The following RSPH10B variants were observed in gnomAD, a reference collection of about 807,000 sequenced individuals.
RSPH10B encodes the protein radial spoke head 10 homolog B, also known as radial spoke head 10 homolog B (Chlamydomonas).
In RSPH10B, 7 loss-of-function variants were observed where a neutral mutation model predicts 52.5. The ratio of observed to expected loss-of-function variants is 0.13; its 90% CI spans 0.08 to 0.25. The LOEUF is 0.25. Among genes scored for constraint, RSPH10B ranks in the 10% least tolerant of loss-of-function variants. The probability of loss-of-function intolerance (pLI) is 1.00; values close to 1 mark genes in which losing one functional copy is unlikely to be tolerated. For synonymous variants in RSPH10B, 28 were observed against 193.2 expected, an observed-to-expected ratio of 0.14 and a Z score of 7.09; for missense variants, 89 against 542.5, an observed-to-expected ratio of 0.16 and a Z score of 8.30.
At chr7:5,927,052 G>T (rs977746804) in intron 18 of RSPH10B, among the ~76,000 whole-genome samples, 4,311 of 46,328 alleles carry the variant, frequency 0.093, 74 homozygotes, top group East Asian at 0.33. Context: ...TGTGTATTAT[G>T]TGTGTGTGTG....
At chr7:5,943,150 A>C (rs573148345) in intron 13 of RSPH10B, 174 bp downstream of exon 15, 6 of 1,387,882 alleles carry the variant, frequency 4.3e-6, no homozygotes, top group Non-Finnish European at 5.8e-6. Context: ...TGTTCCTTCC[A>C]CGACCACAGA....
intron 17 of RSPH10B, among the ~76,000 whole-genome samples, chr7:5,930,826 C>CT (rs1257016731): frequency 2.6e-5 from 1 of 38,312 alleles, no homozygotes; most frequent in African/African-American, 1.1e-4. Flanking sequence ...CCCAAGATGC[C>CT]TAGCAGCAAA....
chr7:5,927,110 G>T (rs1779532281), intron 18 of RSPH10B, among the ~76,000 whole-genome samples: 1 of 118,058 alleles, frequency 8.5e-6, no homozygotes, highest in South Asian at 2.6e-4. Context: ...TTTTTTTTTT[G>T]AGATAGGGTC....
chr7:5,944,274 G>A (rs1364969302), intron 11 of RSPH10B, among the ~76,000 whole-genome samples: 6 of 150,576 alleles, frequency 4.0e-5, no homozygotes, highest in South Asian at 4.2e-4. Context: ...GGCAGACACC[G>A]GTAATCCCAG....
At chr7:5,926,768 G>GAGAC (rs769984257) in intron 18 of RSPH10B, among the ~76,000 whole-genome samples, 1 of 133,240 alleles carries the variant, frequency 7.5e-6, no homozygotes, top group East Asian at 2.2e-4. Flanking sequence ...ATTTTTTCTC[G>GAGAC]AGACAGACAG....
chr7:5,927,180 C>T (rs1451102875), intron 18 of RSPH10B, among the ~76,000 whole-genome samples: 1 of 138,930 alleles, frequency 7.2e-6, no homozygotes. Flanking sequence ...GCCTCAACCT[C>T]CCAGGCTCAA....
chr7:5,928,643 T>TC (rs1459156212), intron 17 of RSPH10B, among the ~76,000 whole-genome samples: 3 of 143,792 alleles, frequency 2.1e-5, no homozygotes, highest in Admixed American at 6.8e-5. Context: ...TGTTTTTTTT[T>TC]TTTTTGGAGA....
chr7:5,928,458 G>A, intron 17 of RSPH10B, 64 bp from the exon 20 acceptor site: 1 of 1,580,282 alleles, frequency 6.3e-7, no homozygotes, highest in Non-Finnish European at 8.7e-7. Flanking sequence ...GGGTCTGCGT[G>A]CTTTTTCTCG....
chr7:5,966,518 C>T (rs1781112630), intron 1 of RSPH10B, among the ~76,000 whole-genome samples: 1 of 77,798 alleles, frequency 1.3e-5, no homozygotes, highest in Non-Finnish European at 2.7e-5. Context: ...ACCTTCAGGC[C>T]AGGCACAGTG....
chr7:5,928,173 A>G (rs1779610402), intron 18 of RSPH10B, 23 bp downstream of exon 20: 1 of 1,606,964 alleles, frequency 6.2e-7, no homozygotes, highest in Admixed American at 1.7e-5. Context: ...CTGGGGAAGG[A>G]GAGGAGGGAC....
chr7:5,927,192 C>T (rs533586555), intron 18 of RSPH10B, among the ~76,000 whole-genome samples: 352 of 136,596 alleles, frequency 2.6e-3, no homozygotes, highest in Middle Eastern at 0.018. Flanking sequence ...CAGGCTCAAG[C>T]AATCCTCCTG....
intron 4 of RSPH10B, among the ~76,000 whole-genome samples, chr7:5,960,438 G>A (rs1780883725): frequency 1.5e-5 from 1 of 64,802 alleles, no homozygotes; most frequent in African/African-American, 5.8e-5. Context: ...TAATAAAATG[G>A]TTAATTTATG....
intron 7 of RSPH10B, among the ~76,000 whole-genome samples, chr7:5,955,422 A>G (rs1254710989): frequency 4.6e-5 from 1 of 21,668 alleles, no homozygotes; most frequent in Non-Finnish European, 1.0e-4. Context: ...GCCTATATTT[A>G]CATCAGACAA....
chr7:5,942,384 G>T lies in RSPH10B; in HGVS notation c.1758+940C>A, dbSNP rs1047268096. 2.1e-3 allele frequency among the ~76,000 whole-genome samples: 268 copies of T among 130,222 alleles called. 2 individuals carry two copies. The highest frequency in any genetic ancestry group is 7.3e-3 in the Middle Eastern group (2 of 274). The allele number at this position is 130,222 out of a possible 152,430, so 85.4% of individuals were successfully genotyped here. A position where few individuals can be genotyped will look rare whatever the true frequency, so the allele number is the denominator to read the frequency against. The stretch of plus-strand genomic sequence containing the variant: ...TGGGACTACAGGCGTGCACTACCAC[G>T]CCCGGCTATGATTTTTTTATTTTTT... On this transcript the variant is annotated intron_variant, in intron 13 of 18. Coordinates refer to ENST00000337579, the Ensembl canonical transcript of RSPH10B.
chr7:5,931,757 T>G (rs1779785509), intron 17 of RSPH10B, among the ~76,000 whole-genome samples: 1 of 150,486 alleles, frequency 6.6e-6, no homozygotes, highest in African/African-American at 2.4e-5. Context: ...TCTCAGTACT[T>G]TAGGAGGCTG....
At chr7:5,957,875 TG>T (rs1294217884) in intron 6 of RSPH10B, 31 bp downstream of exon 8, 2 of 1,303,094 alleles carry the variant, frequency 1.5e-6, no homozygotes, top group African/African-American at 3.4e-5. Flanking sequence ...CATCCGCCTC[TG>T]GGTATAAGCT....
intron 13 of RSPH10B, among the ~76,000 whole-genome samples, chr7:5,942,723 G>A (rs1440016220): frequency 1.3e-5 from 2 of 150,758 alleles, no homozygotes; most frequent in African/African-American, 2.5e-5. Flanking sequence ...TTAGCCAGGT[G>A]TGGTGGCGGG....
intron 18 of RSPH10B, among the ~76,000 whole-genome samples, chr7:5,927,058 G>GTATA (rs1562553153): frequency 1.2e-5 from 1 of 82,998 alleles, no homozygotes; most frequent in South Asian, 3.8e-4. Flanking sequence ...TTATGTGTGT[G>GTATA]TGTGTGTGTA....
At chr7:5,947,815 G>A (rs1371829824) in intron 10 of RSPH10B, among the ~76,000 whole-genome samples, 1 of 92,502 alleles carries the variant, frequency 1.1e-5, no homozygotes, top group Non-Finnish European at 2.4e-5. Context: ...AACGGGCCAT[G>A]GACCAGTACT....
Sources: gnomAD v4.1 joint callset for allele counts (sites outside exome capture counted in the v4.1 genomes callset) on GRCh38, gnomAD v4.1.1 for gene constraint, MANE v1.5 for transcripts, NCBI Gene and HGNC (gene_info 2026-07-23, HGNC 2026-07-21) for gene names.